Variants in ISX observed in about 807,000 individuals in gnomAD.
ISX encodes the protein intestine-specific homeobox.
In ISX, 15 loss-of-function variants were observed where a neutral mutation model predicts 16.9. The observed-to-expected ratio is 0.89, with a 90% confidence interval of 0.59 to 1.36. ISX has a LOEUF of 1.36. ISX is among the 40% of genes most tolerant of loss of function. ISX has a pLI of 0.00. For synonymous variants in ISX, 125 were observed against 119.7 expected, an observed-to-expected ratio of 1.04 and a Z score of -0.29; for missense variants, 316 against 306.1, an observed-to-expected ratio of 1.03 and a Z score of -0.24.
chr22:35,078,503 A>T (rs529043586), intron 2 of ISX, among the ~76,000 whole-genome samples: 33 of 152,278 alleles, frequency 2.2e-4, no homozygotes, highest in Admixed American at 4.6e-4. Context: ...GTGTGGACTT[A>T]GGGAGGGAAG....
At position 35,082,551 on chromosome 22, in the gene ISX, C is replaced by T. The variant is rs761287074; in HGVS notation, c.263C>T (p.Thr88Ile). Residue 88 changes from threonine (T) to isoleucine (I), a missense_variant, in exon 3 of 5, where the codon ACC becomes ATC. Transcript: ENST00000404699. The stretch of plus-strand genomic sequence containing the variant: ...AAGAGCAAGCGGAGGGTTCGTACCA[C>T]CTTCACCACTGAGCAGCTGCATGAG... ...GRKSKRRVRT[T>I]FTTEQLHELE... 1.9e-6 allele frequency: 3 copies of T among 1,614,200 alleles called. No homozygotes were observed. The highest frequency in any genetic ancestry group is 2.5e-6 in the Non-Finnish European group (3 of 1,180,028).
intron 2 of ISX, among the ~76,000 whole-genome samples, chr22:35,078,447 A>G (rs538813912): frequency 6.9e-6 from 1 of 145,122 alleles, no homozygotes; most frequent in East Asian, 2.0e-4. Context: ...AGCTCTAAAC[A>G]TAGAATAAAT....
intron 2 of ISX, among the ~76,000 whole-genome samples, chr22:35,073,618 T>C (rs1928911362): frequency 6.6e-6 from 1 of 151,932 alleles, no homozygotes; most frequent in South Asian, 2.1e-4. Context: ...TCCATGGGAG[T>C]TTGGTCTGCC....
intron 2 of ISX, among the ~76,000 whole-genome samples, chr22:35,074,868 G>A (rs1419195795): frequency 2.0e-5 from 2 of 99,116 alleles, no homozygotes; most frequent in African/African-American, 3.9e-5. Flanking sequence ...AAACACACAC[G>A]TGCACACACA....
intron 3 of ISX, among the ~76,000 whole-genome samples, chr22:35,082,921 C>A (rs1601561568): frequency 6.6e-6 from 1 of 152,172 alleles, no homozygotes; most frequent in Non-Finnish European, 1.5e-5. Flanking sequence ...TGCTCCATAC[C>A]CTTCCTCCCC....
chr22:35,075,133 C>T (rs1243353610), intron 2 of ISX, among the ~76,000 whole-genome samples: 1 of 152,208 alleles, frequency 6.6e-6, no homozygotes. Flanking sequence ...CTCTGCATAA[C>T]ACCATCAGAG....
chr22:35,083,009 C>T (rs1929158686), intron 3 of ISX, among the ~76,000 whole-genome samples: 1 of 152,196 alleles, frequency 6.6e-6, no homozygotes, highest in African/African-American at 2.4e-5. Context: ...CAGGGGTCAA[C>T]AACCTTTCTG....
At chr22:35,070,922 C>T (rs1172805058) in intron 2 of ISX, among the ~76,000 whole-genome samples, 1 of 152,246 alleles carries the variant, frequency 6.6e-6, no homozygotes, top group African/African-American at 2.4e-5. Flanking sequence ...TCTTCTATCA[C>T]AGCTGAAACT....
intron 2 of ISX, among the ~76,000 whole-genome samples, chr22:35,080,639 C>G (rs1286006696): frequency 6.6e-6 from 1 of 152,216 alleles, no homozygotes; most frequent in South Asian, 2.1e-4. Flanking sequence ...TCCTACTAAT[C>G]ACATCCACCA....
chr22:35,067,055 T>G lies in ISX; in HGVS notation c.-33T>G, dbSNP rs761210775. The G allele has an allele frequency of 6.4e-7, 1 of 1,565,848 alleles. No individual in the cohort carries two copies. Among genetic ancestry groups the G allele is most frequent in the South Asian group, 1.1e-5 (1 of 88,402 alleles). On this transcript the variant is annotated 5_prime_UTR_variant, in exon 2 of 5. Coordinates refer to ENST00000404699, the MANE Select transcript of ISX (RefSeq NM_001303508.2). ...ACGCCACTCTCCACTGGCACCCTCC[T>G]TGGCCTACACAGAGTCACCCCTGAG...
At chr22:35,084,771 T>C (rs1021611279) in intron 4 of ISX, among the ~76,000 whole-genome samples, 1 of 152,132 alleles carries the variant, frequency 6.6e-6, no homozygotes, top group African/African-American at 2.4e-5. Context: ...CAAAACAGGA[T>C]CACAGAGGGA....
At chr22:35,069,911 T>G (rs1928804562) in intron 2 of ISX, among the ~76,000 whole-genome samples, 1 of 152,174 alleles carries the variant, frequency 6.6e-6, no homozygotes, top group African/African-American at 2.4e-5. Flanking sequence ...GGGATCTTAT[T>G]AAAATGCAGC....
chr22:35,072,291 T>C (rs990511258), intron 2 of ISX, among the ~76,000 whole-genome samples: 1 of 152,092 alleles, frequency 6.6e-6, no homozygotes, highest in African/African-American at 2.4e-5. Context: ...ACGGTATTAG[T>C]GTGGGGTCCC....
rs564869790 is a variant in ISX, at chr22:35,071,864, C to A, written c.229+4548C>A. 3.9e-5 allele frequency among the ~76,000 whole-genome samples: 6 copies of A among 152,256 alleles called. No individual in the cohort carries two copies. The South Asian group carries it at 1.0e-3, about 26-fold the overall frequency. ...TCTCCTCTCCTCCTCCCTCACTTCT[C>A]CCTCCTTTCCGTAGCCCTCCTCCTC... is the stretch of plus-strand genomic sequence containing the variant. On this transcript the variant is annotated intron_variant, in intron 2 of 4. Transcript: ENST00000404699.
intron 2 of ISX, among the ~76,000 whole-genome samples, chr22:35,073,303 G>T (rs1053626472): frequency 6.6e-6 from 1 of 152,122 alleles, no homozygotes; most frequent in Admixed American, 6.5e-5. Context: ...GTAGAGCAGT[G>T]GTCCCCAAAC....
rs748009757 is a variant in ISX, at chr22:35,067,176, CCTT to C, written c.92_94del (p.Phe31del). The C allele has an allele frequency of 3.7e-6, 6 of 1,613,198 alleles. No homozygotes were observed. The highest frequency in any genetic ancestry group is 1.7e-4 in the Middle Eastern group (1 of 6,052). On this transcript the variant is annotated inframe_deletion, in exon 2 of 5. Transcript: ENST00000404699. ...GAGGCCCCGAAGAAGCTGAGCCTGT[CCTT>C]CTCCATTGAGGCGATCCTAAAGAGG...
At chr22:35,085,044 G>C (rs775139736) in intron 4 of ISX, among the ~76,000 whole-genome samples, 1 of 152,144 alleles carries the variant, frequency 6.6e-6, no homozygotes, top group Non-Finnish European at 1.5e-5. Flanking sequence ...ACGGGATAGA[G>C]CAGTAAACAA....
intron 2 of ISX, among the ~76,000 whole-genome samples, chr22:35,080,713 G>T (rs947392284): frequency 1.5e-5 from 2 of 137,572 alleles, no homozygotes; most frequent in Non-Finnish European, 3.1e-5. Context: ...TGTCCAGGAT[G>T]AATTCCAATA....
intron 4 of ISX, among the ~76,000 whole-genome samples, chr22:35,085,065 A>G (rs999271750): frequency 2.0e-5 from 3 of 152,022 alleles, no homozygotes; most frequent in Non-Finnish European, 4.4e-5. Flanking sequence ...AATAGACAAT[A>G]CTTCCCTGCC....
Sources: allele counts gnomAD v4.1 joint callset (sites outside exome capture counted in the v4.1 genomes callset), GRCh38; gene constraint gnomAD v4.1.1; transcripts MANE v1.5; gene names NCBI Gene and HGNC (gene_info 2026-07-23, HGNC 2026-07-21).